GLYR1: variants seen among roughly 807,000 people sequenced by gnomAD.
GLYR1 encodes the protein cytokine-like nuclear factor N-PAC.
GLYR1 carries 21 observed loss-of-function variants against 72.7 expected under a neutral mutation model. The ratio of observed to expected loss-of-function variants is 0.29; its 90% CI spans 0.20 to 0.42. The LOEUF is 0.42. Ranked by LOEUF, GLYR1 falls within the 10% of genes least tolerant of loss-of-function variation. GLYR1 has a pLI of 1.00. For missense variants in GLYR1, 594 were observed against 712.1 expected (o/e 0.83, Z 1.89); for synonymous variants, 392 against 270.2 (o/e 1.45, Z -4.42).
rs1567662547 is a variant in GLYR1, at chr16:4,812,174, C to T, written c.1194G>A (p.Met398Ile). The change falls in exon 13 of 16, where the codon ATG becomes ATA. Residue 398 changes from methionine (M) to isoleucine (I), a missense_variant. By Grantham distance (10) the Met-to-Ile change is conservative. Around this residue, in one of 5 missense-constraint regions of GLYR1, gnomAD observed 266 missense variants for 358.4 expected, o/e 0.74. Coordinates refer to ENST00000321919, the MANE Select transcript of GLYR1 (RefSeq NM_032569.4). The part of the protein sequence containing the change: ...SGNQQLSNDG[M>I]LVILAAGDRG... The stretch of plus-strand genomic sequence containing the variant: ...TGTCTCCAGCCGCTAAGATCACCAA[C>T]ATCCCGTCATTAGACAGCTGCTGAT... The T allele has an allele frequency of 6.2e-7, 1 of 1,614,086 alleles. No homozygotes were observed. The highest frequency in any genetic ancestry group is 8.5e-7 in the Non-Finnish European group (1 of 1,180,046).
In GLYR1 at chr16:4,814,518, G is replaced by A. The variant is rs774910322; in HGVS notation, c.1017+19C>T. On this transcript the variant is annotated intron_variant, in intron 11 of 15. Coordinates refer to ENST00000321919, the MANE Select transcript of GLYR1 (RefSeq NM_032569.4). ...TGGCTGTGACCCGGAGTTGCTGAGG[G>A]GAGGGAGGGGGTCCTTACGTCCTTG... The A allele has an allele frequency of 1.9e-6, 3 of 1,595,008 alleles. No individual in the cohort carries two copies. The highest frequency in any genetic ancestry group is 2.6e-6 in the Non-Finnish European group (3 of 1,163,672).
intron 9 of GLYR1, 133 bp downstream of exon 9, chr16:4,821,245 CAA>C (rs1294977757): frequency 7.0e-6 from 6 of 852,824 alleles, no homozygotes; most frequent in Non-Finnish European, 9.6e-6. Flanking sequence ...ATAAGAGTTA[CAA>C]CATCCCCCCA....
Position 4,805,314 on chromosome 16 carries a change from GA to G in GLYR1, c.1588-5del. ...GCGCCTTGGCTCTTTTGTACACCTGGAAAAAAAAGAGATGGCTCAGTCTCTG... is the reference window on the plus strand; with the variant it reads ...GCGCCTTGGCTCTTTTGTACACCTGGAAAAAAAGAGATGGCTCAGTCTCTG... On this transcript the variant is annotated splice_polypyrimidine_tract_variant and splice_region_variant and intron_variant, in intron 15 of 15. Coordinates refer to ENST00000321919, the MANE Select transcript of GLYR1 (RefSeq NM_032569.4). 3 of 1,605,688 alleles carry G rather than the reference GA, an allele frequency of 1.9e-6. No individual in the cohort carries two copies. Among genetic ancestry groups the G allele is most frequent in the South Asian group, 1.1e-5 (1 of 90,358 alleles).
At chr16:4,826,307 T>C (rs1045328559) in intron 5 of GLYR1, among the ~76,000 whole-genome samples, 8 of 152,374 alleles carry the variant, frequency 5.3e-5, no homozygotes, top group African/African-American at 1.7e-4. Context: ...GGTCTTGCTA[T>C]GTTGGCCAGA....
chr16:4,806,260 C>G (rs888204162), intron 15 of GLYR1, among the ~76,000 whole-genome samples: 1 of 152,194 alleles, frequency 6.6e-6, no homozygotes, highest in Non-Finnish European at 1.5e-5. Flanking sequence ...GGTTGAGAAA[C>G]CCTGCCTTAA....
chr16:4,808,677 T>A (rs1373659532), intron 15 of GLYR1, among the ~76,000 whole-genome samples: 1 of 152,016 alleles, frequency 6.6e-6, no homozygotes, highest in Non-Finnish European at 1.5e-5. Flanking sequence ...ACAGCTGCTG[T>A]TTCACAAAGT....
intron 5 of GLYR1, among the ~76,000 whole-genome samples, chr16:4,831,499 C>A (rs1007712486): frequency 6.6e-6 from 1 of 152,026 alleles, no homozygotes; most frequent in African/African-American, 2.4e-5. Context: ...CAGCACCGAG[C>A]CTCACACGGG....
chr16:4,846,339 T>C (rs2086057174), intron 1 of GLYR1, 129 bp from the exon 2 acceptor site: 6 of 1,012,282 alleles, frequency 5.9e-6, no homozygotes, highest in South Asian at 5.1e-5. Flanking sequence ...AAAGCTTTCA[T>C]AGCTGGGCCC....
In GLYR1 at chr16:4,811,634, T is replaced by C; in HGVS notation, c.1451A>G (p.Gln484Arg). 6.2e-7 allele frequency: 1 copy of C among 1,613,998 alleles called. No individual in the cohort carries two copies. Among genetic ancestry groups the C allele is most frequent in the South Asian group, 1.1e-5 (1 of 91,072 alleles). ...CAAAAACAACTCACTTTGGCACTTC[T>C]GGTCCAGGAAGATGCTGGCCAACTG... The part of the protein sequence containing the change: ...QGQLASIFLD[Q>R]KCQNILQGNF... The change falls in exon 14 of 16, where the codon CAG (glutamine) becomes CGG (arginine). Residue 484 changes from glutamine (Q) to arginine (R), a missense_variant. Physicochemically the swap from Gln to Arg is conservative, Grantham distance 43. Transcript: ENST00000321919.
At chr16:4,842,312 T>C (rs2085624325) in intron 3 of GLYR1, among the ~76,000 whole-genome samples, 1 of 152,070 alleles carries the variant, frequency 6.6e-6, no homozygotes, top group African/African-American at 2.4e-5. Context: ...GTCAGTCTTC[T>C]TGGTTCTCAT....
chr16:4,846,910 AC>A (rs1157293626), intron 1 of GLYR1: 1 of 427,232 alleles, frequency 2.3e-6, no homozygotes, highest in Non-Finnish European at 4.2e-6. Context: ...GACCCCGGGG[AC>A]CGGTCGTCCG....
At chr16:4,812,544 G>C (rs1473138077) in intron 12 of GLYR1, among the ~76,000 whole-genome samples, 1 of 151,776 alleles carries the variant, frequency 6.6e-6, no homozygotes, top group South Asian at 2.1e-4. Flanking sequence ...CCAGGCTGGA[G>C]TGCAGTGGAG....
intron 12 of GLYR1, 121 bp downstream of exon 12, chr16:4,813,616 G>A (rs2141960309): frequency 1.2e-6 from 1 of 833,660 alleles, no homozygotes; most frequent in Non-Finnish European, 2.0e-6. Flanking sequence ...AAGGCTACTC[G>A]CCTCTCCTCT....
intron 9 of GLYR1, chr16:4,818,001 C>CTT: frequency 8.0e-6 from 2 of 250,998 alleles, no homozygotes; most frequent in Non-Finnish European, 7.5e-6. Context: ...CCCTTGCTGC[C>CTT]CTTTTTTTTT....
At position 4,832,120 on chromosome 16, in the gene GLYR1, A is replaced by G. The variant is rs765186924; in HGVS notation, c.396T>C (p.Ser132=). ...SGDEKRKLSL[S]EGKVKKNMGE... ...CCATGTTCTTCTTCACCTTCCCTTC[A>G]GACAGGCTAAGTTTGCGCTTCTCAT... The change falls in exon 5 of 16, where the codon TCT becomes TCC. Residue 132 remains serine (S), a synonymous_variant. Transcript: ENST00000321919. 1 of 1,614,186 alleles carries G rather than the reference A, an allele frequency of 6.2e-7. No individual in the cohort carries two copies. The highest frequency in any genetic ancestry group is 8.5e-7 in the Non-Finnish European group (1 of 1,180,040).
At chr16:4,821,078 G>C in intron 9 of GLYR1, 1 of 475,332 alleles carries the variant, frequency 2.1e-6, no homozygotes, top group Non-Finnish European at 3.8e-6. Context: ...TGACTGAGAA[G>C]CCACCTTCCA....
At chr16:4,813,599 T>A in intron 12 of GLYR1, 138 bp downstream of exon 12, 2 of 731,232 alleles carry the variant, frequency 2.7e-6, no homozygotes, top group Non-Finnish European at 4.7e-6. Flanking sequence ...CGGGATAGGC[T>A]AGTCCCAAGG....
At chr16:4,831,007 C>A (rs1310454566) in intron 5 of GLYR1, among the ~76,000 whole-genome samples, 1 of 152,176 alleles carries the variant, frequency 6.6e-6, no homozygotes, top group Admixed American at 6.5e-5. Flanking sequence ...TAGGCCTTGC[C>A]TCAAGTTCTT....
Position 4,839,643 on chromosome 16 carries a change from T to G in GLYR1, c.155+5431A>C, listed in dbSNP as rs146141708. The G allele has an allele frequency of 4.6e-5, 7 of 152,282 alleles. No individual in the cohort carries two copies. The East Asian group carries it at 1.3e-3, about 29-fold the overall frequency. 9.4% of individuals were successfully genotyped at this position (152,282 alleles called of 1,614,324 possible). On this transcript the variant is annotated intron_variant, in intron 3 of 15. Coordinates refer to ENST00000321919, the MANE Select transcript of GLYR1 (RefSeq NM_032569.4). ...GAATCCGTATAAAGAAGTCCTCCTC[T>G]CACCAGGACACCTGATTAGGAAGGT...
Sources: allele counts gnomAD v4.1 joint callset (sites outside exome capture counted in the v4.1 genomes callset), GRCh38; gene constraint gnomAD v4.1.1; regional missense constraint gnomAD v4.1.1; transcripts MANE v1.5; gene names NCBI Gene and HGNC (gene_info 2026-07-23, HGNC 2026-07-21).